RTL4: variants seen among roughly 807,000 people sequenced by gnomAD.
RTL4 encodes retrotransposon Gag like 4.
RTL4 carries 4 observed loss-of-function variants against 5.3 expected under a neutral mutation model. The ratio of observed to expected loss-of-function variants is 0.75; its 90% CI spans 0.37 to 1.72. The LOEUF (loss-of-function observed/expected upper bound fraction) is 1.72, where lower values mean the gene tolerates loss of function less well. Among genes scored for constraint, RTL4 ranks in the 40% most tolerant of loss-of-function variants. The pLI is 0.04. For synonymous variants in RTL4, 98 were observed against 87.3 expected (o/e 1.12, Z -0.68); for missense variants, 260 against 227.1 (o/e 1.14, Z -0.93).
At chrX:112,385,572 G>A in the RTL4 span, among the ~76,000 whole-genome samples, 6 of 111,353 alleles carry the variant, frequency 5.4e-5, no homozygotes, top group African/African-American at 2.0e-4. Flanking sequence ...CGTGTCTATC[G>A]CTCCACCAAT....
At chrX:112,340,746 T>G in the RTL4 span, among the ~76,000 whole-genome samples, 1 of 110,959 alleles carries the variant, frequency 9.0e-6, no homozygotes, top group South Asian at 3.8e-4. Flanking sequence ...AGACAGGGTC[T>G]CATTCTGTCA....
the RTL4 span, among the ~76,000 whole-genome samples, chrX:112,275,743 C>T: frequency 9.0e-6 from 1 of 110,949 alleles, no homozygotes. Context: ...TCAGACCAGC[C>T]TGGACAACAG....
chrX:112,296,435 C>G, the RTL4 span, among the ~76,000 whole-genome samples: 1 of 110,594 alleles, frequency 9.0e-6, no homozygotes, highest in Non-Finnish European at 1.9e-5. Flanking sequence ...ATTTTGTTCC[C>G]CACTAATTCA....
At chrX:112,394,700 A>AT in the RTL4 span, among the ~76,000 whole-genome samples, 5 of 111,792 alleles carry the variant, frequency 4.5e-5, no homozygotes, top group South Asian at 1.9e-3. Context: ...GCAGGAGATA[A>AT]TTTTTTTCTT....
At chrX:112,348,170 T>A in the RTL4 span, among the ~76,000 whole-genome samples, 1 of 110,263 alleles carries the variant, frequency 9.1e-6, no homozygotes, top group Non-Finnish European at 1.9e-5. Flanking sequence ...CTTTTTTTTT[T>A]AATCCTGGCC....
At chrX:112,133,169 A>T in the RTL4 span, among the ~76,000 whole-genome samples, 724 of 111,923 alleles carry the variant, frequency 6.5e-3, 5 homozygotes, top group Non-Finnish European at 0.011. Context: ...CAGGTAAAAG[A>T]CATTTCCTTT....
At chrX:112,193,226 G>T in the RTL4 span, among the ~76,000 whole-genome samples, 1 of 111,496 alleles carries the variant, frequency 9.0e-6, no homozygotes, top group African/African-American at 3.2e-5. Context: ...AATATGTAAT[G>T]ATCAAATCTG....
chrX:112,230,268 T>G, the RTL4 span, among the ~76,000 whole-genome samples: 1 of 112,379 alleles, frequency 8.9e-6, no homozygotes, highest in East Asian at 2.8e-4. Flanking sequence ...CCTTGCAGTT[T>G]GATCTCAGAC....
chrX:112,170,645 G>A, the RTL4 span, among the ~76,000 whole-genome samples: 1 of 111,439 alleles, frequency 9.0e-6, no homozygotes, highest in Non-Finnish European at 1.9e-5. Context: ...TAAGATTTTG[G>A]GCTGAGATTA....
At chrX:112,448,768 C>T in the RTL4 span, among the ~76,000 whole-genome samples, 1 of 111,877 alleles carries the variant, frequency 8.9e-6, no homozygotes, top group African/African-American at 3.2e-5. Flanking sequence ...CAGTTATTTA[C>T]ATACCAAGCT....
the RTL4 span, among the ~76,000 whole-genome samples, chrX:112,095,286 T>C: frequency 9.1e-6 from 1 of 110,376 alleles, no homozygotes; most frequent in Non-Finnish European, 1.9e-5. Flanking sequence ...TGAGGGAGGG[T>C]TCAAGGTGTG....
the RTL4 span, among the ~76,000 whole-genome samples, chrX:112,406,326 T>A: frequency 1.8e-5 from 2 of 111,709 alleles, no homozygotes; most frequent in East Asian, 5.6e-4. Context: ...CTGGCATCTG[T>A]TGAGTTTCTG....
the RTL4 span, among the ~76,000 whole-genome samples, chrX:112,116,262 C>A: frequency 9.0e-6 from 1 of 111,609 alleles, no homozygotes; most frequent in South Asian, 3.8e-4. Context: ...CCTTTGTGGT[C>A]GCCAAGATGT....
chrX:112,237,244 G>T, the RTL4 span, among the ~76,000 whole-genome samples: 2 of 112,241 alleles, frequency 1.8e-5, no homozygotes, highest in African/African-American at 6.5e-5. Flanking sequence ...GAAGTGCCTT[G>T]CTCAGAAGAA....
At chrX:112,187,705 C>G in the RTL4 span, among the ~76,000 whole-genome samples, 64 of 111,416 alleles carry the variant, frequency 5.7e-4, no homozygotes, top group African/African-American at 2.1e-3. Context: ...CCAATATATC[C>G]CCCAGCCATG....
chrX:112,406,646 G>A, the RTL4 span, among the ~76,000 whole-genome samples: 2 of 110,966 alleles, frequency 1.8e-5, no homozygotes, highest in African/African-American at 3.3e-5. Context: ...TGGGGGAAAT[G>A]CAACCTACTG....
chrX:112,289,258 G>A, the RTL4 span, among the ~76,000 whole-genome samples: 4 of 111,942 alleles, frequency 3.6e-5, no homozygotes, highest in South Asian at 3.7e-4. Flanking sequence ...TGTACATGAA[G>A]GTGATAGTTT....
At chrX:112,318,486 G>T in the RTL4 span, among the ~76,000 whole-genome samples, 24,569 of 111,256 alleles carry the variant, frequency 0.22, 2,092 homozygotes, top group Admixed American at 0.32. Context: ...TTTCACCATT[G>T]AAGGAGCTTA....
the RTL4 span, among the ~76,000 whole-genome samples, chrX:112,330,988 C>T: frequency 9.1e-6 from 1 of 109,370 alleles, no homozygotes; most frequent in African/African-American, 3.3e-5. Flanking sequence ...CTTCCTTATA[C>T]CTTATACAAA....
Sources: allele counts gnomAD v4.1 joint callset (sites outside exome capture counted in the v4.1 genomes callset), GRCh38; gene constraint gnomAD v4.1.1; transcripts MANE v1.5; gene names NCBI Gene and HGNC (gene_info 2026-07-23, HGNC 2026-07-21).